RANBP2: variants seen among roughly 807,000 people sequenced by gnomAD.
The protein encoded by RANBP2 is RAN binding protein 2.
Under a neutral mutation model 303.6 loss-of-function variants are expected in RANBP2, and 57 were observed. The ratio of observed to expected loss-of-function variants is 0.19; its 90% CI spans 0.15 to 0.23. RANBP2 has a LOEUF of 0.23. Ranked by LOEUF, RANBP2 falls within the 10% of genes least tolerant of loss-of-function variation. The pLI, the probability that RANBP2 is intolerant of heterozygous loss-of-function variation, is 1.00. For synonymous variants in RANBP2, 1,167 were observed against 1,301.5 expected (o/e 0.90, Z 2.23); for missense variants, 3,138 against 3,780.8 (o/e 0.83, Z 4.46).
chr2:109,361,365 T>C, the RANBP2 span, among the ~76,000 whole-genome samples: 2 of 152,224 alleles, frequency 1.3e-5, 1 homozygote, highest in South Asian at 4.1e-4. Flanking sequence ...CTGCGAAGTA[T>C]TGAGATTGTA....
At chr2:109,618,074 A>G in the RANBP2 span, 6 of 166,822 alleles carry the variant, frequency 3.6e-5, 1 homozygote, top group African/African-American at 1.4e-4. Context: ...GTATCCATTT[A>G]TTTGCATTTA....
chr2:109,305,967 G>A, the RANBP2 span, among the ~76,000 whole-genome samples: 3 of 152,174 alleles, frequency 2.0e-5, no homozygotes, highest in Non-Finnish European at 4.4e-5. Context: ...CATTCAGCAC[G>A]GTATTTAGTG....
chr2:109,556,085 A>G, the RANBP2 span, among the ~76,000 whole-genome samples: 1 of 152,230 alleles, frequency 6.6e-6, no homozygotes, highest in Non-Finnish European at 1.5e-5. Flanking sequence ...ATAAATGTTC[A>G]TAGAATGACA....
the RANBP2 span, among the ~76,000 whole-genome samples, chr2:109,572,609 CTTTTTTTTTTTTTT>C: frequency 9.0e-6 from 1 of 111,202 alleles, no homozygotes; most frequent in Non-Finnish European, 1.7e-5. Flanking sequence ...TTTAAAACAA[CTTTTTTTTTTTTTT>C]TTTTTTTTTT....
chr2:108,740,324 A>G (rs1057302459), intron 6 of RANBP2, among the ~76,000 whole-genome samples, 165 bp from the exon 7 acceptor site: 1 of 152,234 alleles, frequency 6.6e-6, no homozygotes, highest in African/African-American at 2.4e-5. Flanking sequence ...GATAAAAAAA[A>G]GCATTAGATG....
At chr2:108,888,830 T>A in the RANBP2 span, among the ~76,000 whole-genome samples, 1 of 151,964 alleles carries the variant, frequency 6.6e-6, no homozygotes, top group African/African-American at 2.4e-5. Flanking sequence ...TATTATTTCT[T>A]TTTGTCTATT....
chr2:108,824,007 C>G, the RANBP2 span, among the ~76,000 whole-genome samples: 21 of 151,884 alleles, frequency 1.4e-4, no homozygotes, highest in African/African-American at 4.4e-4. Flanking sequence ...GGGGGGTACA[C>G]CTGAATAGAG....
At chr2:109,599,926 T>C in the RANBP2 span, among the ~76,000 whole-genome samples, 5 of 152,230 alleles carry the variant, frequency 3.3e-5, no homozygotes, top group Non-Finnish European at 5.9e-5. Context: ...TTACTAACAC[T>C]ACAACGAACT....
the RANBP2 span, among the ~76,000 whole-genome samples, chr2:109,405,468 C>G: frequency 6.6e-6 from 1 of 152,136 alleles, no homozygotes; most frequent in East Asian, 1.9e-4. Context: ...ACTGTCCATT[C>G]CCGTGAGCCT....
At chr2:109,628,954 A>G in the RANBP2 span, among the ~76,000 whole-genome samples, 3 of 152,058 alleles carry the variant, frequency 2.0e-5, no homozygotes. Context: ...CTGTAATCCC[A>G]GCATTTTGGG....
the RANBP2 span, among the ~76,000 whole-genome samples, chr2:108,973,281 C>CCTGGCCT: frequency 6.0e-3 from 913 of 152,352 alleles, 6 homozygotes; most frequent in Non-Finnish European, 0.01. Flanking sequence ...AGCCACCGCA[C>CCTGGCCT]CTGGCCTCAG....
the RANBP2 span, among the ~76,000 whole-genome samples, chr2:109,012,710 C>A: frequency 6.6e-6 from 1 of 152,120 alleles, no homozygotes; most frequent in Non-Finnish European, 1.5e-5. Flanking sequence ...GTCAGGAGAT[C>A]GAGACCATCC....
the RANBP2 span, among the ~76,000 whole-genome samples, chr2:108,982,021 C>T: frequency 1.3e-5 from 2 of 152,382 alleles, no homozygotes; most frequent in East Asian, 1.9e-4. Context: ...AAAGAGGGCA[C>T]AGTCAGTGCA....
At chr2:108,772,764 A>C (rs1677598077) in intron 22 of RANBP2, 104 bp from the exon 23 acceptor site, 5 of 1,297,316 alleles carry the variant, frequency 3.9e-6, no homozygotes, top group Admixed American at 2.0e-5. Context: ...TAGTATGTAC[A>C]GGTCTTGTTA....
chr2:109,685,845 GTT>G, the RANBP2 span, among the ~76,000 whole-genome samples: 1 of 152,190 alleles, frequency 6.6e-6, no homozygotes, highest in African/African-American at 2.4e-5. Context: ...AGGACGAATG[GTT>G]TCTGGAGTCA....
the RANBP2 span, among the ~76,000 whole-genome samples, chr2:109,625,818 CA>C: frequency 6.6e-6 from 1 of 151,930 alleles, no homozygotes. Context: ...AAAAACAAAA[CA>C]ATAATATTCT....
the RANBP2 span, among the ~76,000 whole-genome samples, chr2:108,907,554 A>G: frequency 6.6e-6 from 1 of 151,928 alleles, no homozygotes; most frequent in Non-Finnish European, 1.5e-5. Flanking sequence ...AGGCTGAGAC[A>G]GGAGAATTGC....
At chr2:109,670,349 T>C in the RANBP2 span, among the ~76,000 whole-genome samples, 2 of 29,972 alleles carry the variant, frequency 6.7e-5, no homozygotes, top group Non-Finnish European at 1.2e-4. Flanking sequence ...GGGGTGCTAT[T>C]GGGGGCCAGA....
chr2:109,402,689 G>A, the RANBP2 span, among the ~76,000 whole-genome samples: 1 of 152,222 alleles, frequency 6.6e-6, no homozygotes, highest in Admixed American at 6.5e-5. Context: ...TTGGCACCTG[G>A]AGACTGGGGC....
Sources: gnomAD v4.1 joint callset for allele counts (sites outside exome capture counted in the v4.1 genomes callset) on GRCh38, gnomAD v4.1.1 for gene constraint, MANE v1.5 for transcripts, NCBI Gene and HGNC (gene_info 2026-07-23, HGNC 2026-07-21) for gene names.